Variants in EYS observed in about 807,000 individuals in gnomAD.
EYS encodes the protein protein eyes shut homolog.
Under a neutral mutation model 282.1 loss-of-function variants are expected in EYS, and 250 were observed. The observed-to-expected ratio is 0.89, with a 90% confidence interval of 0.80 to 0.98. The LOEUF (loss-of-function observed/expected upper bound fraction) is 0.98, where lower values mean the gene tolerates loss of function less well. Ranked by LOEUF, EYS falls within the 50% of genes least tolerant of loss-of-function variation. EYS has a pLI of 0.00. For missense variants in EYS, 4,016 were observed against 3,709.0 expected, an observed-to-expected ratio of 1.08 and a Z score of -2.15; for synonymous variants, 1,355 against 1,282.9, an observed-to-expected ratio of 1.06 and a Z score of -1.20.
At chr6:64,259,658 A>G (rs1426256556) in intron 30 of EYS, among the ~76,000 whole-genome samples, 14 of 88,146 alleles carry the variant, frequency 1.6e-4, no homozygotes, top group Admixed American at 1.1e-3. Context: ...GCGCACACAC[A>G]CACACACACA....
chr6:64,188,953 T>C (rs1403579398), intron 31 of EYS, among the ~76,000 whole-genome samples: 1 of 152,150 alleles, frequency 6.6e-6, no homozygotes, highest in Non-Finnish European at 1.5e-5. Context: ...AGAAATACCT[T>C]GATAGATATT....
chr6:63,889,231 G>T lies in EYS; in HGVS notation c.7056-24873C>A, dbSNP rs150779031. Among the ~76,000 whole-genome samples the T allele has an allele frequency of 7.0e-3, 1,065 of 152,296 alleles. 4 individuals are homozygous for T. Among genetic ancestry groups the T allele is most frequent in the Non-Finnish European group, 1.0e-2 (680 of 68,016 alleles). ...AAAACACACTTCAGAATATTATCCAGAACTTCCCCAACCTAGCAAGACAGG... is the reference window on the plus strand; with the variant it reads ...AAAACACACTTCAGAATATTATCCATAACTTCCCCAACCTAGCAAGACAGG... On this transcript the variant is annotated intron_variant, in intron 35 of 42. Transcript: ENST00000503581.
chr6:63,731,493 A>G (rs1240413593), intron 41 of EYS, among the ~76,000 whole-genome samples: 1 of 152,156 alleles, frequency 6.6e-6, no homozygotes, highest in Admixed American at 6.5e-5. Flanking sequence ...ATGCTATTCA[A>G]AATTTTTAAG....
chr6:65,154,765 AT>A (rs1183295559), intron 12 of EYS, among the ~76,000 whole-genome samples: 1 of 151,552 alleles, frequency 6.6e-6, no homozygotes, highest in Admixed American at 6.6e-5. Flanking sequence ...TATTAAAAAA[AT>A]GGACATGAGT....
chr6:65,243,761 T>C (rs904394663), intron 12 of EYS, among the ~76,000 whole-genome samples: 1 of 151,810 alleles, frequency 6.6e-6, no homozygotes, highest in East Asian at 1.9e-4. Flanking sequence ...AGAAAAAAAA[T>C]AGCCATGTGT....
At chr6:64,988,293 A>G (rs1001897443) in intron 14 of EYS, among the ~76,000 whole-genome samples, 2 of 151,572 alleles carry the variant, frequency 1.3e-5, no homozygotes, top group African/African-American at 4.8e-5. Flanking sequence ...AGAGCATTTC[A>G]GCAGAAATGC....
intron 7 of EYS, among the ~76,000 whole-genome samples, chr6:65,388,798 A>C (rs956123542): frequency 6.6e-6 from 1 of 152,122 alleles, no homozygotes; most frequent in African/African-American, 2.4e-5. Flanking sequence ...TGGATAAAAA[A>C]TGATAAACAA....
chr6:64,779,183 C>T (rs1204265423), intron 22 of EYS, among the ~76,000 whole-genome samples: 1 of 152,108 alleles, frequency 6.6e-6, no homozygotes, highest in Non-Finnish European at 1.5e-5. Context: ...CACTCAAAAA[C>T]CTGCCACAAA....
intron 35 of EYS, among the ~76,000 whole-genome samples, chr6:63,929,906 A>G (rs1764835096): frequency 1.3e-5 from 2 of 152,206 alleles, no homozygotes; most frequent in South Asian, 4.1e-4. Context: ...CCTAATATTT[A>G]TGCCTGGTAT....
chr6:65,292,387 T>C (rs1361423262), intron 12 of EYS, among the ~76,000 whole-genome samples: 1 of 151,686 alleles, frequency 6.6e-6, no homozygotes, highest in Non-Finnish European at 1.5e-5. Context: ...ATTCAAAGTA[T>C]AGAGACTGGA....
chr6:65,330,127 A>C, intron 11 of EYS: 2 of 981,910 alleles, frequency 2.0e-6, no homozygotes, highest in Non-Finnish European at 2.4e-6. Flanking sequence ...TTCACTTTCT[A>C]AATGAAACAG....
At chr6:64,861,172 A>G (rs1212085730) in intron 19 of EYS, among the ~76,000 whole-genome samples, 2 of 152,164 alleles carry the variant, frequency 1.3e-5, no homozygotes, top group African/African-American at 4.8e-5. Flanking sequence ...CTGGCAGGCC[A>G]GTGCGGAACT....
chr6:65,117,054 G>T (rs1775397010), intron 12 of EYS, among the ~76,000 whole-genome samples: 1 of 152,168 alleles, frequency 6.6e-6, no homozygotes, highest in South Asian at 2.1e-4. Context: ...AGTCAAATGT[G>T]AGTAGGTGAT....
In EYS at chr6:64,740,015, A is replaced by T. The variant is rs192849926; in HGVS notation, c.3443+73363T>A. Among the ~76,000 whole-genome samples, 33 of 152,238 alleles carry T rather than the reference A, an allele frequency of 2.2e-4. No individual in the cohort carries two copies. In the East Asian group the frequency reaches 3.9e-3, roughly 18 times the overall value. On this transcript the variant is annotated intron_variant, in intron 22 of 42. Transcript: ENST00000503581. Reference sequence around the variant, plus strand: ...AACTCATTAGCAAAAAATCAAACCAATCAAAAATCTGGTGGGGGGTGTATT... The same window carrying T: ...AACTCATTAGCAAAAAATCAAACCATTCAAAAATCTGGTGGGGGGTGTATT...
chr6:64,650,527 A>G (rs1033182657), intron 22 of EYS, among the ~76,000 whole-genome samples: 9 of 152,222 alleles, frequency 5.9e-5, no homozygotes, highest in Admixed American at 3.9e-4. Context: ...GGAGAATTTA[A>G]CTTTATACAG....
At chr6:65,098,001 C>T (rs372409825) in intron 12 of EYS, among the ~76,000 whole-genome samples, 27 of 150,378 alleles carry the variant, frequency 1.8e-4, no homozygotes, top group Non-Finnish European at 2.7e-4. Context: ...AACACAAGCA[C>T]GTATTTTTGC....
intron 12 of EYS, among the ~76,000 whole-genome samples, chr6:65,132,360 A>G (rs1775902626): frequency 6.6e-6 from 1 of 152,074 alleles, no homozygotes; most frequent in Admixed American, 6.6e-5. Context: ...AAGATAATCC[A>G]TCATAATCAA....
At chr6:65,206,767 C>A (rs200497728) in intron 12 of EYS, among the ~76,000 whole-genome samples, 8 of 151,842 alleles carry the variant, frequency 5.3e-5, no homozygotes, top group South Asian at 4.1e-4. Context: ...AAATTAAAAA[C>A]GAAAACCATT....
chr6:64,345,885 G>A (rs1209943709), intron 29 of EYS, among the ~76,000 whole-genome samples: 2 of 152,008 alleles, frequency 1.3e-5, no homozygotes, highest in African/African-American at 2.4e-5. Context: ...TCAAAAAGTG[G>A]GCGAAGGATA....
Sources: gnomAD v4.1 joint callset for allele counts (sites outside exome capture counted in the v4.1 genomes callset) on GRCh38, gnomAD v4.1.1 for gene constraint, MANE v1.5 for transcripts, NCBI Gene and HGNC (gene_info 2026-07-23, HGNC 2026-07-21) for gene names.